The following CNTNAP5 variants were observed in gnomAD, a reference collection of about 807,000 sequenced individuals.
The protein encoded by CNTNAP5 is contactin-associated protein-like 5.
In CNTNAP5, 72 loss-of-function variants were observed where a neutral mutation model predicts 150.2. The ratio of observed to expected loss-of-function variants is 0.48; its 90% CI spans 0.40 to 0.58. The LOEUF (loss-of-function observed/expected upper bound fraction) is 0.58, where lower values mean the gene tolerates loss of function less well. CNTNAP5 is among the 20% of genes least tolerant of loss of function. CNTNAP5 has a pLI of 0.00. For synonymous variants in CNTNAP5, 672 were observed against 619.8 expected, an observed-to-expected ratio of 1.08 and a Z score of -1.25; for missense variants, 1,636 against 1,626.2, an observed-to-expected ratio of 1.01 and a Z score of -0.10.
intron 1 of CNTNAP5, among the ~76,000 whole-genome samples, chr2:124,115,543 T>C (rs531773006): frequency 6.6e-6 from 1 of 152,040 alleles, no homozygotes; most frequent in South Asian, 2.1e-4. Flanking sequence ...TAGGAAAAGA[T>C]CAAGGATTCT....
chr2:124,161,201 A>G (rs1684668938), intron 1 of CNTNAP5, among the ~76,000 whole-genome samples: 1 of 152,122 alleles, frequency 6.6e-6, no homozygotes. Context: ...TTTCATTTAT[A>G]TTTTATAGAT....
Position 124,747,289 on chromosome 2 carries a change from G to T in CNTNAP5, c.2138G>T (p.Gly713Val). 6.2e-7 allele frequency: 1 copy of T among 1,613,762 alleles called. No homozygotes were observed. Among genetic ancestry groups the T allele is most frequent in the Non-Finnish European group, 8.5e-7 (1 of 1,179,766 alleles). Reference sequence around the variant, plus strand: ...AATGAAAGGCACCCTTACTGGGGAGGTTCCCCTCCTGGGGTCCAGCAGTGT... The same window carrying T: ...AATGAAAGGCACCCTTACTGGGGAGTTTCCCCTCCTGGGGTCCAGCAGTGT... ...RSNERHPYWG[G>V]SPPGVQQCEC... is the part of the protein sequence containing the mutation. The change falls in exon 14 of 24, where the codon GGT becomes GTT. Residue 713 changes from glycine (G) to valine (V), a missense_variant. Transcript: ENST00000682447.
chr2:124,389,677 A>G (rs1235555797), intron 3 of CNTNAP5, among the ~76,000 whole-genome samples: 1 of 152,188 alleles, frequency 6.6e-6, no homozygotes, highest in Non-Finnish European at 1.5e-5. Context: ...AATAATAATA[A>G]TAATTTAGGC....
At chr2:124,075,728 A>C (rs1573736016) in intron 1 of CNTNAP5, among the ~76,000 whole-genome samples, 1 of 152,104 alleles carries the variant, frequency 6.6e-6, no homozygotes, top group South Asian at 2.1e-4. Context: ...GTGTGGACTG[A>C]TTAGCAGATA....
chr2:124,630,643 A>T (rs1293871811), intron 12 of CNTNAP5, among the ~76,000 whole-genome samples: 1 of 152,212 alleles, frequency 6.6e-6, no homozygotes. Context: ...AACTGGAAGC[A>T]TTCCCCTTAA....
intron 8 of CNTNAP5, among the ~76,000 whole-genome samples, chr2:124,522,453 T>C (rs1324540765): frequency 6.6e-6 from 1 of 152,152 alleles, no homozygotes; most frequent in Non-Finnish European, 1.5e-5. Flanking sequence ...TATCATTGGC[T>C]CTTGTGCTGG....
chr2:124,882,690 G>A (rs1677988612), intron 21 of CNTNAP5, among the ~76,000 whole-genome samples: 1 of 152,072 alleles, frequency 6.6e-6, no homozygotes, highest in African/African-American at 2.4e-5. Flanking sequence ...TGAACAGGAA[G>A]TTCCATATGT....
At chr2:124,126,619 T>C (rs892889002) in intron 1 of CNTNAP5, among the ~76,000 whole-genome samples, 3 of 152,144 alleles carry the variant, frequency 2.0e-5, no homozygotes, top group Non-Finnish European at 4.4e-5. Flanking sequence ...AAGAGAATTT[T>C]AGTCCAATAT....
rs556175001 is a variant in CNTNAP5, at chr2:124,063,231, C to T, written c.82+37499C>T. Reference sequence around the variant, plus strand: ...AGCAGGTAACAATCATGACACCTAACAAAAAGTCATTCAACACTGAACTTG... The same window carrying T: ...AGCAGGTAACAATCATGACACCTAATAAAAAGTCATTCAACACTGAACTTG... On this transcript the variant is annotated intron_variant, in intron 1 of 23. Transcript: ENST00000682447. Among the ~76,000 whole-genome samples the T allele has an allele frequency of 3.9e-5, 6 of 152,004 alleles. No homozygotes were observed. In the South Asian group the frequency reaches 1.2e-3, roughly 32 times the overall value.
chr2:124,353,927 C>G (rs1475801641), intron 3 of CNTNAP5, among the ~76,000 whole-genome samples: 5 of 152,196 alleles, frequency 3.3e-5, no homozygotes, highest in Admixed American at 2.0e-4. Flanking sequence ...TGTGCTGTAG[C>G]CTGGACATTT....
chr2:124,133,335 C>T (rs929600955), intron 1 of CNTNAP5, among the ~76,000 whole-genome samples: 1 of 152,110 alleles, frequency 6.6e-6, no homozygotes, highest in Non-Finnish European at 1.5e-5. Context: ...ATGAGAGTCC[C>T]TATAGCTTCT....
At chr2:124,517,264 TGTG>T (rs1487410236) in intron 8 of CNTNAP5, among the ~76,000 whole-genome samples, 6 of 136,824 alleles carry the variant, frequency 4.4e-5, no homozygotes, top group East Asian at 2.3e-4. Flanking sequence ...GGTGATGAGG[TGTG>T]GTGGTGGTGA....
rs111749958 is a variant in CNTNAP5 at position 124,674,209 on chromosome 2, T to C, written c.2077+26251T>C. Among the ~76,000 whole-genome samples, 1,475 of 152,320 alleles carry C rather than the reference T, an allele frequency of 9.7e-3. 25 individuals are homozygous for C. Among genetic ancestry groups the C allele is most frequent in the African/African-American group, 0.032 (1,349 of 41,572 alleles). ...ATTTTTCTCTATAGTTTTACTATTA[T>C]CTGTTTCATTTATTTGTGTGTAATC... On this transcript the variant is annotated intron_variant, in intron 13 of 23. Coordinates refer to ENST00000682447, the MANE Select transcript of CNTNAP5 (RefSeq NM_001367498.1).
At chr2:124,298,908 G>T (rs1457560273) in intron 3 of CNTNAP5, among the ~76,000 whole-genome samples, 1 of 152,136 alleles carries the variant, frequency 6.6e-6, no homozygotes. Context: ...AGGCCTGACT[G>T]CTGACTGTTC....
At chr2:124,102,733 G>A (rs796667626) in intron 1 of CNTNAP5, among the ~76,000 whole-genome samples, 39 of 152,244 alleles carry the variant, frequency 2.6e-4, no homozygotes, top group African/African-American at 8.9e-4. Flanking sequence ...TCCTGTGGGG[G>A]CATCTGGCCT....
At chr2:124,372,516 C>G (rs62171033) in intron 3 of CNTNAP5, among the ~76,000 whole-genome samples, 22,568 of 152,036 alleles carry the variant, frequency 0.15, 1,653 homozygotes, top group East Asian at 0.18. Flanking sequence ...ATAATTGTTT[C>G]CTAATTCACA....
intron 1 of CNTNAP5, among the ~76,000 whole-genome samples, chr2:124,152,185 CAG>C (rs1243678146): frequency 6.6e-6 from 1 of 152,190 alleles, no homozygotes; most frequent in Non-Finnish European, 1.5e-5. Context: ...AAGGGTAAAA[CAG>C]GGCTTGTCTG....
At chr2:124,194,133 G>A (rs1161633606) in intron 1 of CNTNAP5, among the ~76,000 whole-genome samples, 1 of 151,892 alleles carries the variant, frequency 6.6e-6, no homozygotes, top group Non-Finnish European at 1.5e-5. Context: ...CACAGCTGCT[G>A]CAATATCCCT....
chr2:124,854,959 C>G (rs1387901875), intron 19 of CNTNAP5, among the ~76,000 whole-genome samples: 1 of 151,944 alleles, frequency 6.6e-6, no homozygotes, highest in Non-Finnish European at 1.5e-5. Flanking sequence ...GTGTTTTCAG[C>G]TAAGGGGAAA....
Sources: allele counts gnomAD v4.1 joint callset (sites outside exome capture counted in the v4.1 genomes callset), GRCh38; gene constraint gnomAD v4.1.1; transcripts MANE v1.5; gene names NCBI Gene and HGNC (gene_info 2026-07-23, HGNC 2026-07-21).